Variants in ABL2 observed in about 807,000 individuals in gnomAD.
ABL2 encodes tyrosine-protein kinase ABL2.
Under a neutral mutation model 107.7 loss-of-function variants are expected in ABL2, and 49 were observed. The ratio of observed to expected loss-of-function variants is 0.45; its 90% CI spans 0.36 to 0.58. ABL2 has a LOEUF of 0.58. ABL2 is among the 20% of genes least tolerant of loss of function. The pLI is 0.00. For missense variants in ABL2, 1,245 were observed against 1,457.0 expected (o/e 0.85, Z 2.37); for synonymous variants, 549 against 548.6 (o/e 1.00, Z -0.01).
At chr1:179,227,262 G>T (rs1663267967) in intron 1 of ABL2, among the ~76,000 whole-genome samples, 1 of 152,174 alleles carries the variant, frequency 6.6e-6, no homozygotes, top group Admixed American at 6.5e-5. Flanking sequence ...CAAAGATGGT[G>T]ACTAAAATCA....
At chr1:179,131,662 T>C (rs558350657) in intron 2 of ABL2, among the ~76,000 whole-genome samples, 181 bp from the exon 3 acceptor site, 1 of 152,304 alleles carries the variant, frequency 6.6e-6, no homozygotes, top group Non-Finnish European at 1.5e-5. Context: ...AGGAAGCAAT[T>C]TACTTGTTGA....
At chr1:179,213,851 A>C (rs1558003804) in intron 1 of ABL2, among the ~76,000 whole-genome samples, 3 of 152,200 alleles carry the variant, frequency 2.0e-5, no homozygotes, top group African/African-American at 7.2e-5. Context: ...TGCTATAGGC[A>C]GGAGGATTGT....
At chr1:179,221,408 T>A (rs1227594206) in intron 1 of ABL2, among the ~76,000 whole-genome samples, 7 of 152,122 alleles carry the variant, frequency 4.6e-5, no homozygotes, top group African/African-American at 1.7e-4. Context: ...CAGGCCAATA[T>A]GGTGAAAACC....
At chr1:179,156,569 A>G (rs2102741953) in intron 1 of ABL2, among the ~76,000 whole-genome samples, 1 of 152,248 alleles carries the variant, frequency 6.6e-6, no homozygotes, top group East Asian at 1.9e-4. Context: ...TTCATTACAT[A>G]CCTTAGTTAA....
rs58297805 is a variant in ABL2 at position 179,147,181 on chromosome 1, C to CAAAAAAA, written c.158-13814_158-13808dup. 4.8e-3 allele frequency among the ~76,000 whole-genome samples: 244 copies of CAAAAAAA among 50,530 alleles called. 59 individuals are homozygous for CAAAAAAA. Among genetic ancestry groups the CAAAAAAA allele is most frequent in the East Asian group, 0.017 (23 of 1,318 alleles). The allele number at this position is 50,530 out of a possible 152,430, so 33.1% of individuals were successfully genotyped here. On this transcript the variant is annotated intron_variant, in intron 1 of 11. Transcript: ENST00000502732. ...CCAATCACTAATCATCAGAGAAATGCAAAAAAAAAAAAAAAAAAAAAAAAA... is the reference window on the plus strand; with the variant it reads ...CCAATCACTAATCATCAGAGAAATGCAAAAAAAAAAAAAAAAAAAAAAAAAAAAAAAA...
intron 1 of ABL2, among the ~76,000 whole-genome samples, chr1:179,206,146 C>T (rs1571317014): frequency 6.6e-6 from 1 of 152,108 alleles, no homozygotes; most frequent in Non-Finnish European, 1.5e-5. Context: ...TACCATTATA[C>T]ATTATAATGT....
In ABL2 at chr1:179,229,447, T is replaced by C; in HGVS notation, c.-50A>G. ...CCCCGCCGACCCCTGGTCACATTCC[T>C]CCTCGGCTCCGGCCTCGGGCTCCTG... On this transcript the variant is annotated 5_prime_UTR_variant, in exon 1 of 12. Coordinates refer to ENST00000502732, the MANE Select transcript of ABL2 (RefSeq NM_007314.4). 1.4e-6 allele frequency: 2 copies of C among 1,433,796 alleles called. No homozygotes were observed. The highest frequency in any genetic ancestry group is 9.1e-7 in the Non-Finnish European group (1 of 1,103,466). 88.8% of individuals were successfully genotyped at this position (1,433,796 alleles called of 1,614,324 possible).
intron 1 of ABL2, among the ~76,000 whole-genome samples, chr1:179,136,783 G>A (rs1280066995): frequency 1.3e-5 from 2 of 151,368 alleles, no homozygotes; most frequent in African/African-American, 2.4e-5. Context: ...AGGCATGGTG[G>A]CACATGCCTA....
chr1:179,131,133 A>T, intron 3 of ABL2, 178 bp downstream of exon 3: 1 of 478,698 alleles, frequency 2.1e-6, no homozygotes. Flanking sequence ...TATTAGAGAC[A>T]GGGTTTCACC....
chr1:179,153,690 T>C (rs1310406094), intron 1 of ABL2, among the ~76,000 whole-genome samples: 1 of 151,958 alleles, frequency 6.6e-6, no homozygotes, highest in Admixed American at 6.6e-5. Context: ...ACCTGCAACT[T>C]TATTTTTGCT....
chr1:179,212,151 T>C (rs1487407344), intron 1 of ABL2, among the ~76,000 whole-genome samples: 8 of 152,132 alleles, frequency 5.3e-5, no homozygotes, highest in Non-Finnish European at 8.8e-5. Flanking sequence ...CTATCAGACA[T>C]GGTGAGAACT....
chr1:179,153,963 G>C (rs1461155891), intron 1 of ABL2, among the ~76,000 whole-genome samples: 1 of 151,986 alleles, frequency 6.6e-6, no homozygotes, highest in Non-Finnish European at 1.5e-5. Flanking sequence ...GTTGCTAATG[G>C]CATATCCAGG....
Position 179,166,085 on chromosome 1 carries a change from C to T in ABL2, c.158-32711G>A, listed in dbSNP as rs34407213. Among the ~76,000 whole-genome samples, 1,314 of 152,278 alleles carry T rather than the reference C, an allele frequency of 8.6e-3. 9 individuals carry two copies. Among genetic ancestry groups the T allele is most frequent in the Non-Finnish European group, 0.013 (894 of 68,018 alleles). Reference sequence around the variant, plus strand: ...GTGCTGGGATTACAGGCATGAGCCACCACACCTGGCCCAGATTCAAGACTT... The same window carrying T: ...GTGCTGGGATTACAGGCATGAGCCATCACACCTGGCCCAGATTCAAGACTT... On this transcript the variant is annotated intron_variant, in intron 1 of 11. Coordinates refer to ENST00000502732, the MANE Select transcript of ABL2 (RefSeq NM_007314.4).
chr1:179,116,357 A>G (rs1476878799), intron 8 of ABL2, among the ~76,000 whole-genome samples: 5 of 152,204 alleles, frequency 3.3e-5, no homozygotes, highest in African/African-American at 1.2e-4. Context: ...CCTGGACAAC[A>G]GAGCAAGGCT....
intron 1 of ABL2, among the ~76,000 whole-genome samples, chr1:179,136,705 A>AT (rs1203720245): frequency 2.2e-5 from 2 of 90,158 alleles, no homozygotes; most frequent in Admixed American, 1.4e-4. Flanking sequence ...AGAATGATCA[A>AT]TAAAAAATAA....
At chr1:179,138,907 G>A (rs984183805) in intron 1 of ABL2, among the ~76,000 whole-genome samples, 1 of 152,208 alleles carries the variant, frequency 6.6e-6, no homozygotes, top group Admixed American at 6.5e-5. Flanking sequence ...CCGGGTGGGC[G>A]TGGGCTTGGC....
chr1:179,192,954 TTAAAC>T (rs1193440652), intron 1 of ABL2, among the ~76,000 whole-genome samples: 3 of 152,216 alleles, frequency 2.0e-5, no homozygotes, highest in African/African-American at 7.2e-5. Flanking sequence ...CAAGATAACA[TTAAAC>T]TCTTAAAATA....
chr1:179,134,737 C>T (rs1051845730), intron 1 of ABL2, among the ~76,000 whole-genome samples: 8 of 151,504 alleles, frequency 5.3e-5, no homozygotes, highest in Non-Finnish European at 1.5e-5. Flanking sequence ...TCCCTCTCCA[C>T]GGTCGCCCTC....
chr1:179,194,361 C>T (rs563453566), intron 1 of ABL2, among the ~76,000 whole-genome samples: 8 of 152,230 alleles, frequency 5.3e-5, no homozygotes, highest in African/African-American at 1.9e-4. Flanking sequence ...CTTCACTGAA[C>T]TAAATGTCAA....
Sources: allele counts gnomAD v4.1 joint callset (sites outside exome capture counted in the v4.1 genomes callset), GRCh38; gene constraint gnomAD v4.1.1; transcripts MANE v1.5; gene names NCBI Gene and HGNC (gene_info 2026-07-23, HGNC 2026-07-21).